The following ADARB2 variants were observed in gnomAD, a reference collection of about 807,000 sequenced individuals.
ADARB2 encodes inactive double-stranded RNA-specific editase B2.
Under a neutral mutation model 62.2 loss-of-function variants are expected in ADARB2, and 25 were observed. The observed-to-expected ratio is 0.40, with a 90% confidence interval of 0.29 to 0.56. ADARB2 has a LOEUF of 0.56. Ranked by LOEUF, ADARB2 falls within the 20% of genes least tolerant of loss-of-function variation. ADARB2 has a pLI of 0.43. For missense variants in ADARB2, 1,071 were observed against 1,077.4 expected, an observed-to-expected ratio of 0.99 and a Z score of 0.08; for synonymous variants, 572 against 500.8, an observed-to-expected ratio of 1.14 and a Z score of -1.90.
rs150256693 is a variant in ADARB2 at position 1,233,653 on chromosome 10, G to A, written c.1513+41C>T. 5.7e-6 allele frequency: 9 copies of A among 1,574,076 alleles called. No individual in the cohort carries two copies. The East Asian group carries it at 1.6e-4, about 28-fold the overall frequency. On this transcript the variant is annotated intron_variant, in intron 6 of 9. Transcript: ENST00000381312. ...ACAGAGTCCCAGATAGAGGGAGCTGGGGGCTGTTGGCCTACAGAAGGTAAA... is the reference window on the plus strand; with the variant it reads ...ACAGAGTCCCAGATAGAGGGAGCTGAGGGCTGTTGGCCTACAGAAGGTAAA...
chr10:1,269,739 G>A (rs1476386577), intron 4 of ADARB2, among the ~76,000 whole-genome samples: 1 of 152,164 alleles, frequency 6.6e-6, no homozygotes, highest in Non-Finnish European at 1.5e-5. Flanking sequence ...TCACAGCCCC[G>A]TGGGCCTACA....
At chr10:1,668,122 G>A (rs1454318237) in intron 1 of ADARB2, among the ~76,000 whole-genome samples, 2 of 152,238 alleles carry the variant, frequency 1.3e-5, no homozygotes, top group Admixed American at 1.3e-4. Flanking sequence ...GGGCCTCTGT[G>A]ATTTTCTCTC....
chr10:1,688,493 G>C (rs746803985), intron 1 of ADARB2, among the ~76,000 whole-genome samples: 1 of 151,916 alleles, frequency 6.6e-6, no homozygotes, highest in East Asian at 1.9e-4. Flanking sequence ...CCGAGGGCAG[G>C]TGCATTTCTC....
intron 7 of ADARB2, among the ~76,000 whole-genome samples, chr10:1,204,436 A>G (rs1837024459): frequency 6.6e-6 from 1 of 152,240 alleles, no homozygotes; most frequent in Non-Finnish European, 1.5e-5. Flanking sequence ...GCGTCTTAAC[A>G]GGGAACTGGT....
chr10:1,480,104 G>T (rs1831447937), intron 1 of ADARB2, among the ~76,000 whole-genome samples: 1 of 151,878 alleles, frequency 6.6e-6, no homozygotes, highest in South Asian at 2.1e-4. Context: ...AATGGTAAAA[G>T]ACAGAAAGCT....
intron 3 of ADARB2, among the ~76,000 whole-genome samples, chr10:1,309,325 C>G (rs1387690809): frequency 3.3e-5 from 5 of 152,170 alleles, no homozygotes; most frequent in Non-Finnish European, 7.3e-5. Flanking sequence ...TGAATCTCAC[C>G]CCATGCCTAT....
At chr10:1,243,600 G>C (rs557417301) in intron 4 of ADARB2, among the ~76,000 whole-genome samples, 1 of 152,188 alleles carries the variant, frequency 6.6e-6, no homozygotes, top group African/African-American at 2.4e-5. Flanking sequence ...ATCTTTCTTC[G>C]TGAGATAAAA....
At chr10:1,701,992 C>T in intron 1 of ADARB2, among the ~76,000 whole-genome samples, 1 of 152,186 alleles carries the variant, frequency 6.6e-6, no homozygotes, top group East Asian at 1.9e-4. Context: ...TGAAGAAAGA[C>T]TGTGAAATTT....
chr10:1,195,815 T>C (rs753301609), intron 8 of ADARB2, among the ~76,000 whole-genome samples: 5 of 152,114 alleles, frequency 3.3e-5, no homozygotes, highest in Non-Finnish European at 7.4e-5. Flanking sequence ...CATCCTAAGA[T>C]GATGGTGGGG....
At chr10:1,604,161 C>T (rs1166663877) in intron 1 of ADARB2, among the ~76,000 whole-genome samples, 4 of 152,126 alleles carry the variant, frequency 2.6e-5, no homozygotes, top group Non-Finnish European at 5.9e-5. Context: ...TCAGCATTTA[C>T]TATGAATTTT....
intron 1 of ADARB2, among the ~76,000 whole-genome samples, chr10:1,663,684 A>C (rs1480589311): frequency 2.0e-5 from 3 of 151,432 alleles, no homozygotes; most frequent in African/African-American, 7.3e-5. Flanking sequence ...CAGTGACGTG[A>C]TCTCGGCTCA....
chr10:1,628,583 G>C (rs1322521120), intron 1 of ADARB2, among the ~76,000 whole-genome samples: 2 of 152,322 alleles, frequency 1.3e-5, no homozygotes, highest in East Asian at 3.9e-4. Flanking sequence ...AATGTCACTA[G>C]AGACTCAGCT....
At chr10:1,551,311 G>A (rs1271161331) in intron 1 of ADARB2, among the ~76,000 whole-genome samples, 1 of 152,216 alleles carries the variant, frequency 6.6e-6, no homozygotes, top group Non-Finnish European at 1.5e-5. Flanking sequence ...CACCTGGGCT[G>A]TGGTCTTATG....
At position 1,719,801 on chromosome 10, in the gene ADARB2, T is replaced by G. The variant is rs74923017; in HGVS notation, c.100+17250A>C. Reference sequence around the variant, plus strand: ...ACAAGCATGTGAAAAACATTGAACGTGACTAATCATTAGAGAAATGCAAAT... The same window carrying G: ...ACAAGCATGTGAAAAACATTGAACGGGACTAATCATTAGAGAAATGCAAAT... On this transcript the variant is annotated intron_variant, in intron 1 of 9. Transcript: ENST00000381312. Among the ~76,000 whole-genome samples, 418 of 152,330 alleles carry G rather than the reference T, an allele frequency of 2.7e-3. 1 individual carries two copies. Among genetic ancestry groups the G allele is most frequent in the Non-Finnish European group, 5.4e-3 (366 of 68,030 alleles).
chr10:1,318,485 G>C (rs550656743), intron 3 of ADARB2, among the ~76,000 whole-genome samples: 7 of 152,308 alleles, frequency 4.6e-5, no homozygotes, highest in Non-Finnish European at 8.8e-5. Flanking sequence ...TCCTGGTGTG[G>C]GGAGTGGTTT....
chr10:1,398,043 G>A lies in ADARB2; in HGVS notation c.101-18883C>T, dbSNP rs1271228775. On this transcript the variant is annotated intron_variant, in intron 1 of 9. Transcript: ENST00000381312. The surrounding 1 kb of genome is among the most constrained non-coding windows in gnomAD (Gnocchi z 4.1). The stretch of plus-strand genomic sequence containing the variant: ...CCGAGTGCAGGCTTCCTGGGTCACC[G>A]TCCTCCTCTCCCCTCCCGAGTGCAG... 4.1e-5 allele frequency among the ~76,000 whole-genome samples: 5 copies of A among 121,050 alleles called. No homozygotes were observed. The highest frequency in any genetic ancestry group is 5.1e-5 in the Non-Finnish European group (3 of 59,038). The allele number at this position is 121,050 out of a possible 152,430, so 79.4% of individuals were successfully genotyped here.
intron 1 of ADARB2, among the ~76,000 whole-genome samples, chr10:1,631,267 TC>T (rs1833840353): frequency 6.6e-6 from 1 of 151,968 alleles, no homozygotes; most frequent in African/African-American, 2.4e-5. Context: ...TCCATTCCAT[TC>T]AATGAGGCCT....
intron 3 of ADARB2, among the ~76,000 whole-genome samples, chr10:1,341,298 A>T (rs1254649012): frequency 8.6e-5 from 13 of 150,782 alleles, no homozygotes; most frequent in Non-Finnish European, 1.9e-4. Context: ...CCACCAGAGA[A>T]CCACGTGCCC....
chr10:1,218,234 A>G (rs1378692321), intron 6 of ADARB2, among the ~76,000 whole-genome samples: 3 of 151,968 alleles, frequency 2.0e-5, no homozygotes, highest in Non-Finnish European at 4.4e-5. Context: ...TATTTTCAGT[A>G]GAGATGGGGT....
Sources: allele counts gnomAD v4.1 joint callset (sites outside exome capture counted in the v4.1 genomes callset), GRCh38; gene constraint gnomAD v4.1.1; non-coding constraint Gnocchi (gnomAD v3.1); transcripts MANE v1.5; gene names NCBI Gene and HGNC (gene_info 2026-07-23, HGNC 2026-07-21).